DHX32: variants seen among roughly 807,000 people sequenced by gnomAD.
DHX32 encodes the protein DEAH-box helicase 32 (putative).
A neutral mutation model predicts 70.0 loss-of-function variants in DHX32; 51 were observed. The observed-to-expected ratio is 0.73, with a 90% CI of 0.58 to 0.92. The LOEUF (loss-of-function observed/expected upper bound fraction) is 0.92, where lower values mean the gene tolerates loss of function less well. Ranked by LOEUF, DHX32 falls within the 40% of genes least tolerant of loss-of-function variation. The pLI is 0.00. For missense variants in DHX32, 762 were observed against 891.8 expected, an observed-to-expected ratio of 0.85 and a Z score of 1.85; for synonymous variants, 310 against 315.3, an observed-to-expected ratio of 0.98 and a Z score of 0.18.
At chr10:125,883,956 G>C (rs1944330990), upstream of DHX32, among the ~76,000 whole-genome samples, 1 of 152,112 alleles carries the variant, frequency 6.6e-6, no homozygotes, top group African/African-American at 2.4e-5. Flanking sequence ...TTTCTAACCT[G>C]CTCTCCTAAC....
At chr10:125,874,043 C>T (rs927832440) in intron 1 of DHX32, among the ~76,000 whole-genome samples, 1 of 152,154 alleles carries the variant, frequency 6.6e-6, no homozygotes, top group African/African-American at 2.4e-5. Context: ...AGATGTTTTT[C>T]TCTCTCTTTT....
upstream of DHX32, among the ~76,000 whole-genome samples, chr10:125,884,585 G>T (rs751604966): frequency 2.0e-5 from 3 of 152,118 alleles, no homozygotes; most frequent in Non-Finnish European, 4.4e-5. Flanking sequence ...CTAATTAACA[G>T]ACAACCTTAA....
chr10:125,853,741 CTCAA>C (rs1944121240), intron 4 of DHX32: 2 of 504,706 alleles, frequency 4.0e-6, no homozygotes, highest in South Asian at 6.5e-5. Flanking sequence ...CCTTTGGCAG[CTCAA>C]TCAATTTAAT....
At chr10:125,876,762 C>G (rs559840013) in intron 1 of DHX32, among the ~76,000 whole-genome samples, 1 of 152,040 alleles carries the variant, frequency 6.6e-6, no homozygotes, top group African/African-American at 2.4e-5. Flanking sequence ...GATTAAAAAA[C>G]GACAATAAAA....
intron 1 of DHX32, among the ~76,000 whole-genome samples, 167 bp downstream of exon 1, chr10:125,880,376 T>C (rs1030370751): frequency 6.6e-6 from 1 of 152,002 alleles, no homozygotes; most frequent in African/African-American, 2.4e-5. Context: ...TCAGCTAGTA[T>C]TAGTAAAATT....
chr10:125,847,150 A>G (rs909176125), intron 6 of DHX32, among the ~76,000 whole-genome samples: 4 of 145,932 alleles, frequency 2.7e-5, no homozygotes, highest in African/African-American at 9.9e-5. Flanking sequence ...GAAAACACCC[A>G]TTGTATGGTC....
In DHX32 at chr10:125,840,895, T is replaced by C. The variant is rs369765629; in HGVS notation, c.1645A>G (p.Ser549Gly). 4.1e-5 allele frequency: 66 copies of C among 1,609,824 alleles called. No homozygotes were observed. Among genetic ancestry groups the C allele is most frequent in the Non-Finnish European group, 5.4e-5 (64 of 1,176,584 alleles). ...GTGTCTTGGTAAGCCTTGTAAATGC[T>C]GATGAGGGTAAAGTGATCTCCTTCG... ...HPEGDHFTLI[S>G]IYKAYQDTTL... is the part of the protein sequence containing the mutation. The change falls in exon 8 of 11, where the codon AGC (serine) becomes GGC (glycine). Residue 549 changes from serine (S) to glycine (G), a missense_variant. By Grantham distance (56) the Ser-to-Gly change is moderately conservative. This residue lies in a region of DHX32 where 366 missense variants were observed against 402.6 expected (regional missense o/e 0.91). Transcript: ENST00000284690.
At chr10:125,844,573 C>T (rs1294393031) in intron 6 of DHX32, among the ~76,000 whole-genome samples, 1 of 152,202 alleles carries the variant, frequency 6.6e-6, no homozygotes, top group Non-Finnish European at 1.5e-5. Flanking sequence ...AGGTGAAGAA[C>T]ATTAATAAAT....
chr10:125,865,858 C>T (rs138840956), intron 2 of DHX32, among the ~76,000 whole-genome samples: 11 of 152,242 alleles, frequency 7.2e-5, no homozygotes, highest in African/African-American at 1.4e-4. Flanking sequence ...AGATAAGAAC[C>T]GCACCAGAGT....
intron 1 of DHX32, among the ~76,000 whole-genome samples, chr10:125,895,258 T>C (rs111344589): frequency 0.017 from 2,656 of 152,272 alleles, 77 homozygotes; most frequent in African/African-American, 0.06. Context: ...TTGTCATCCA[T>C]GGAGTGGAAA....
intron 1 of DHX32, among the ~76,000 whole-genome samples, chr10:125,879,003 C>T (rs1261292953): frequency 2.0e-5 from 3 of 148,966 alleles, no homozygotes; most frequent in Non-Finnish European, 4.5e-5. Flanking sequence ...CCACAGCGCC[C>T]AGCCTTTTCT....
intron 2 of DHX32, among the ~76,000 whole-genome samples, chr10:125,860,893 C>T (rs1467405685): frequency 6.6e-6 from 1 of 151,318 alleles, no homozygotes. Context: ...GCTGGGACTA[C>T]AGGCGCCCGC....
At chr10:125,841,060 C>A in intron 7 of DHX32, 64 bp from the exon 8 acceptor site, 1 of 1,544,214 alleles carries the variant, frequency 6.5e-7, no homozygotes, top group Admixed American at 1.8e-5. Context: ...GCCTAACATG[C>A]AGAGGGGAGG....
At chr10:125,841,196 T>C (rs545104923) in intron 7 of DHX32, 200 bp from the exon 8 acceptor site, 2 of 1,509,536 alleles carry the variant, frequency 1.3e-6, no homozygotes, top group Admixed American at 3.5e-5. Flanking sequence ...TTTGTGTGTG[T>C]GTGTTTGCTT....
chr10:125,893,574 C>T (rs541188066), intron 1 of DHX32, among the ~76,000 whole-genome samples: 341 of 152,128 alleles, frequency 2.2e-3, no homozygotes, highest in African/African-American at 7.7e-3. Context: ...GAGTAAAGGG[C>T]GGAGAGATAG....
intron 4 of DHX32, chr10:125,853,051 C>A: frequency 9.1e-7 from 1 of 1,102,044 alleles, no homozygotes; most frequent in South Asian, 1.5e-5. Flanking sequence ...ACCTTTACAA[C>A]ACATACTGAG....
At chr10:125,875,737 G>A (rs2366050) in intron 1 of DHX32, among the ~76,000 whole-genome samples, 57,351 of 152,014 alleles carry the variant, frequency 0.38, 11,276 homozygotes, top group Non-Finnish European at 0.44. Flanking sequence ...AAATTATGAT[G>A]GTGAAGGAGA....
At chr10:125,867,840 T>C (rs1944232802) in intron 1 of DHX32, among the ~76,000 whole-genome samples, 2 of 152,298 alleles carry the variant, frequency 1.3e-5, no homozygotes, top group South Asian at 4.1e-4. Context: ...ATTTTCTTTT[T>C]GATTAGAAGG....
Position 125,870,635 on chromosome 10 carries a change from G to C in DHX32, c.283-3452C>G, listed in dbSNP as rs182965982. ...GGATTATTTGAGAGGTCAGGAGTTT[G>C]AGGCTAACCTGGCCAACGTGACGAA... On this transcript the variant is annotated intron_variant, in intron 1 of 10. Coordinates refer to ENST00000284690, the MANE Select transcript of DHX32 (RefSeq NM_018180.3). 1.1e-3 allele frequency among the ~76,000 whole-genome samples: 174 copies of C among 152,182 alleles called. 1 individual carries two copies. Among genetic ancestry groups the C allele is most frequent in the Admixed American group, 5.0e-3 (77 of 15,268 alleles).
Sources: allele counts gnomAD v4.1 joint callset (sites outside exome capture counted in the v4.1 genomes callset), GRCh38; gene constraint gnomAD v4.1.1; regional missense constraint gnomAD v4.1.1; transcripts MANE v1.5; gene names NCBI Gene and HGNC (gene_info 2026-07-23, HGNC 2026-07-21).